Variants in PRKN observed in about 807,000 individuals in gnomAD.
PRKN encodes the protein E3 ubiquitin-protein ligase parkin.
In PRKN, 56 loss-of-function variants were observed where a neutral mutation model predicts 59.5. That is an observed-to-expected ratio of 0.94 (90% confidence interval 0.76 to 1.18). The LOEUF is 1.18. PRKN is among the 50% of genes most tolerant of loss of function. PRKN has a pLI of 0.00. For missense variants in PRKN, 657 were observed against 596.4 expected (o/e 1.10, Z -1.06); for synonymous variants, 250 against 222.1 (o/e 1.13, Z -1.12).
At chr6:162,143,098 G>A (rs2128311411) in intron 4 of PRKN, among the ~76,000 whole-genome samples, 1 of 152,222 alleles carries the variant, frequency 6.6e-6, no homozygotes, top group South Asian at 2.1e-4. Flanking sequence ...CCTTGGCAGA[G>A]GCCACTAGCT....
At chr6:162,146,176 C>A (rs1782016689) in intron 4 of PRKN, among the ~76,000 whole-genome samples, 1 of 152,106 alleles carries the variant, frequency 6.6e-6, no homozygotes, top group Admixed American at 6.5e-5. Flanking sequence ...TTCTATATAG[C>A]ACCCACGTAG....
chr6:161,844,913 GAATCTAAATAAT>G (rs1227815938), intron 6 of PRKN, among the ~76,000 whole-genome samples: 1 of 152,194 alleles, frequency 6.6e-6, no homozygotes, highest in East Asian at 1.9e-4. Context: ...TTAGTACTGG[GAATCTAAATAAT>G]AATCATGATA....
intron 2 of PRKN, among the ~76,000 whole-genome samples, chr6:162,287,564 C>T (rs77171789): frequency 6.6e-6 from 1 of 151,872 alleles, no homozygotes; most frequent in East Asian, 1.9e-4. Context: ...AGAGACCTTG[C>T]TCCTTGCAAA....
chr6:162,003,085 CTGT>C (rs1782118958), intron 5 of PRKN, among the ~76,000 whole-genome samples: 1 of 151,178 alleles, frequency 6.6e-6, no homozygotes, highest in Non-Finnish European at 1.5e-5. Context: ...AATATGTATT[CTGT>C]TGTTGTTGGT....
In PRKN at chr6:161,349,996, G is replaced by GCA; in HGVS notation, c.*102_*103insTG. On this transcript the variant is annotated 3_prime_UTR_variant, in exon 12 of 12. Transcript: ENST00000366898. This position sits in a 1 kb window ranked among gnomAD's most constrained non-coding sequence, Gnocchi z 5.5. ...AAAAACTTGAAGAGTGTGTGTGCGC[G>GCA]CGCGCGCGTGTGTGTGTGTGTTTGA... 1 of 798,426 alleles carries GCA rather than the reference G, an allele frequency of 1.3e-6. No homozygotes were observed. The highest frequency in any genetic ancestry group is 1.4e-5 in the South Asian group (1 of 69,532). 49.5% of individuals were successfully genotyped at this position (798,426 alleles called of 1,614,324 possible). A position where few individuals can be genotyped will look rare whatever the true frequency, so the allele number is the denominator to read the frequency against.
Position 162,011,401 on chromosome 6 carries a change from A to C in PRKN, c.619-37984T>G, listed in dbSNP as rs1202772586. Among the ~76,000 whole-genome samples, 12 of 13,162 alleles carry C rather than the reference A, an allele frequency of 9.1e-4. 1 individual carries two copies. The South Asian group carries it at 0.019, about 20-fold the overall frequency. 8.6% of individuals were successfully genotyped at this position (13,162 alleles called of 152,430 possible). A position where few individuals can be genotyped will look rare whatever the true frequency, so the allele number is the denominator to read the frequency against. ...TTATATATTTATAATATATATTATA[A>C]ATATATAATATATTATATTTTATAA... On this transcript the variant is annotated intron_variant, in intron 5 of 11. Transcript: ENST00000366898.
chr6:161,939,189 G>A (rs1955058), intron 6 of PRKN, among the ~76,000 whole-genome samples: 54,056 of 151,144 alleles, frequency 0.36, 10,028 homozygotes, highest in Middle Eastern at 0.54. Context: ...AGGCTGAGGC[G>A]GGAGGATCAC....
intron 5 of PRKN, among the ~76,000 whole-genome samples, chr6:161,997,828 C>G (rs1384245684): frequency 6.6e-6 from 1 of 152,118 alleles, no homozygotes; most frequent in Non-Finnish European, 1.5e-5. Flanking sequence ...ATCACCAACA[C>G]CTGGTGCTCA....
intron 7 of PRKN, among the ~76,000 whole-genome samples, chr6:161,658,031 A>G (rs1319289753): frequency 3.8e-5 from 2 of 52,694 alleles, no homozygotes; most frequent in African/African-American, 1.1e-4. Context: ...AAAAAAAAAA[A>G]AAAGAAAAGA....
intron 1 of PRKN, among the ~76,000 whole-genome samples, chr6:162,482,206 T>C (rs1167737445): frequency 6.6e-6 from 1 of 152,196 alleles, no homozygotes; most frequent in East Asian, 1.9e-4. Context: ...ATGATCTCCA[T>C]GCTTGATACA....
chr6:161,562,174 T>C lies in PRKN; in HGVS notation c.933+7181A>G, dbSNP rs939992610. Among the ~76,000 whole-genome samples, 1 of 151,452 alleles carries C rather than the reference T, an allele frequency of 6.6e-6. No homozygotes were observed. The highest frequency in any genetic ancestry group is 1.5e-5 in the Non-Finnish European group (1 of 67,866). On this transcript the variant is annotated intron_variant, in intron 8 of 11. Transcript: ENST00000366898. The surrounding 1 kb of genome is among the most constrained non-coding windows in gnomAD (Gnocchi z 4.3). ...CGCCTTCTTGGCTTCCCCAACACCA[T>C]AAATCAGCATTTCTCCTCTGGAAGG...
At chr6:162,380,483 GTA>G (rs1309288812) in intron 2 of PRKN, among the ~76,000 whole-genome samples, 1 of 29,854 alleles carries the variant, frequency 3.3e-5, no homozygotes, top group South Asian at 6.8e-4. Flanking sequence ...GTATATATAT[GTA>G]TATATACACA....
intron 9 of PRKN, among the ~76,000 whole-genome samples, chr6:161,436,131 G>A (rs1788881542): frequency 8.0e-6 from 1 of 125,278 alleles, no homozygotes; most frequent in Admixed American, 8.0e-5. Context: ...GAGACAGAGA[G>A]CAGAGGCTGG....
chr6:161,632,871 A>G (rs1783367620), intron 7 of PRKN, among the ~76,000 whole-genome samples: 1 of 152,182 alleles, frequency 6.6e-6, no homozygotes, highest in Non-Finnish European at 1.5e-5. Context: ...CATGGAAGTA[A>G]ACACTCCCAT....
intron 7 of PRKN, among the ~76,000 whole-genome samples, chr6:161,620,286 G>A (rs574724303): frequency 6.6e-6 from 1 of 151,896 alleles, no homozygotes; most frequent in East Asian, 1.9e-4. Context: ...ACAGGTGTGA[G>A]CCACTGTGCC....
At chr6:162,302,981 C>CAA (rs1466637732) in intron 2 of PRKN, among the ~76,000 whole-genome samples, 1 of 151,398 alleles carries the variant, frequency 6.6e-6, no homozygotes, top group Non-Finnish European at 1.5e-5. Context: ...CACACACACA[C>CAA]ACACACACAC....
intron 2 of PRKN, among the ~76,000 whole-genome samples, chr6:162,342,146 G>A (rs1173648361): frequency 6.6e-6 from 1 of 152,060 alleles, no homozygotes; most frequent in African/African-American, 2.4e-5. Flanking sequence ...TTAGTTCTGT[G>A]TCAACCTATT....
At chr6:162,585,340 T>A (rs527845370) in intron 1 of PRKN, among the ~76,000 whole-genome samples, 84 of 152,296 alleles carry the variant, frequency 5.5e-4, no homozygotes, top group African/African-American at 1.9e-3. Flanking sequence ...GGCCATGTCC[T>A]CCGACAGCAA....
At chr6:161,775,929 A>T (rs188864510) in intron 7 of PRKN, among the ~76,000 whole-genome samples, 1 of 152,328 alleles carries the variant, frequency 6.6e-6, no homozygotes, top group East Asian at 1.9e-4. Flanking sequence ...TTGCATTCTA[A>T]GTTAGGTGAA....
Sources: gnomAD v4.1 joint callset for allele counts (sites outside exome capture counted in the v4.1 genomes callset) on GRCh38, gnomAD v4.1.1 for gene constraint, Gnocchi (gnomAD v3.1) non-coding constraint, MANE v1.5 for transcripts, NCBI Gene and HGNC (gene_info 2026-07-23, HGNC 2026-07-21) for gene names.